Variants in TMEM200A observed in about 807,000 individuals in gnomAD.
The protein encoded by TMEM200A is two transmembrane C.
TMEM200A carries 12 observed loss-of-function variants against 24.3 expected under a neutral mutation model. The ratio of observed to expected loss-of-function variants is 0.49; its 90% CI spans 0.32 to 0.80. TMEM200A has a LOEUF of 0.80. Ranked by LOEUF, TMEM200A falls within the 30% of genes least tolerant of loss-of-function variation. The pLI, the probability that TMEM200A is intolerant of heterozygous loss-of-function variation, is 0.04. For missense variants in TMEM200A, 545 were observed against 614.4 expected (o/e 0.89, Z 1.19); for synonymous variants, 224 against 224.4 (o/e 1.00, Z 0.02).
At chr6:130,431,062 C>T (rs568122276) in intron 2 of TMEM200A, among the ~76,000 whole-genome samples, 8 of 152,196 alleles carry the variant, frequency 5.3e-5, no homozygotes, top group East Asian at 1.9e-4. Context: ...CTTAACAATA[C>T]GGACACGACT....
intron 2 of TMEM200A, among the ~76,000 whole-genome samples, chr6:130,420,787 A>G (rs1490160181): frequency 6.6e-6 from 1 of 152,118 alleles, no homozygotes; most frequent in African/African-American, 2.4e-5. Context: ...TTCTAGGTAT[A>G]GGGAGAGCAC....
At chr6:130,380,479 C>T (rs958995346) in intron 1 of TMEM200A, among the ~76,000 whole-genome samples, 2 of 152,176 alleles carry the variant, frequency 1.3e-5, no homozygotes, top group African/African-American at 4.8e-5. Flanking sequence ...GAATAGCTAG[C>T]AGAAGACTCT....
At chr6:130,394,004 T>C (rs947780754) in intron 2 of TMEM200A, among the ~76,000 whole-genome samples, 1 of 152,168 alleles carries the variant, frequency 6.6e-6, no homozygotes, top group Admixed American at 6.5e-5. Flanking sequence ...GATGAATGAG[T>C]TTCTGTTCCC....
chr6:130,398,717 G>A (rs1344744750), intron 2 of TMEM200A, among the ~76,000 whole-genome samples: 2 of 151,770 alleles, frequency 1.3e-5, no homozygotes, highest in African/African-American at 4.8e-5. Context: ...GTTTTGATTC[G>A]AATTTCTGTA....
chr6:130,423,488 A>G (rs1779652553), intron 2 of TMEM200A, among the ~76,000 whole-genome samples: 1 of 152,152 alleles, frequency 6.6e-6, no homozygotes, highest in African/African-American at 2.4e-5. Context: ...CTTTAAAATA[A>G]TTGAAAGAAA....
intron 1 of TMEM200A, chr6:130,382,086 G>T (rs12202427): frequency 0.058 from 27,992 of 483,630 alleles, 941 homozygotes; most frequent in South Asian, 0.098. Flanking sequence ...CATTGCCAAG[G>T]ATAATTTGAA....
At chr6:130,387,020 G>A (rs1013943144) in intron 2 of TMEM200A, among the ~76,000 whole-genome samples, 32 of 152,262 alleles carry the variant, frequency 2.1e-4, no homozygotes, top group African/African-American at 7.2e-4. Context: ...GTTGAAGTGA[G>A]TGGGCAGAAG....
chr6:130,427,335 G>T (rs1013629174), intron 2 of TMEM200A, among the ~76,000 whole-genome samples: 2 of 152,150 alleles, frequency 1.3e-5, no homozygotes, highest in South Asian at 4.1e-4. Flanking sequence ...TAGAAACTCA[G>T]AAATATCATG....
intron 2 of TMEM200A, among the ~76,000 whole-genome samples, chr6:130,423,663 G>A (rs377309139): frequency 1.8e-4 from 27 of 152,126 alleles, no homozygotes; most frequent in African/African-American, 3.9e-4. Context: ...GGGGTGATAG[G>A]GGTCATTTTT....
Position 130,441,358 on chromosome 6 carries a change from T to C in TMEM200A, c.936T>C (p.Ala312=), listed in dbSNP as rs1471043968. The stretch of plus-strand genomic sequence containing the variant: ...GTATAGATAACATCACTGAAGATGC[T>C]GACAACCTCAAAAGTAGGTCAAGGA... ...EPSIDNITED[A]DNLKSRSRNL... Residue 312 remains alanine, a synonymous_variant, in exon 3 of 3, where the codon GCT becomes GCC. Transcript: ENST00000296978. 2 of 1,614,170 alleles carry C rather than the reference T, an allele frequency of 1.2e-6. No individual in the cohort carries two copies. Among genetic ancestry groups the C allele is most frequent in the South Asian group, 1.1e-5 (1 of 91,088 alleles).
At chr6:130,391,044 C>T (rs144098297) in intron 2 of TMEM200A, among the ~76,000 whole-genome samples, 40 of 152,270 alleles carry the variant, frequency 2.6e-4, no homozygotes, top group African/African-American at 8.2e-4. Context: ...AAAAATGCCT[C>T]GGAATGAGCA....
At chr6:130,421,399 T>G (rs926715940) in intron 2 of TMEM200A, 5 of 152,130 alleles carry the variant, frequency 3.3e-5, no homozygotes, top group Non-Finnish European at 7.3e-5. Context: ...TTTTTTAAAT[T>G]GAAATTGTAT....
chr6:130,393,335 A>C lies in TMEM200A; in HGVS notation c.-17+8099A>C, dbSNP rs113286638. 9.8e-4 allele frequency among the ~76,000 whole-genome samples: 150 copies of C among 152,366 alleles called. 1 individual carries two copies. Among genetic ancestry groups the C allele is most frequent in the Non-Finnish European group, 1.5e-3 (99 of 68,032 alleles). ...AAATACCAGAAGAGAAAAAAAATTA[A>C]TTCTGACAATAGAGTGCTATTTAAA... On this transcript the variant is annotated intron_variant, in intron 2 of 2. Coordinates refer to ENST00000296978, the MANE Select transcript of TMEM200A (RefSeq NM_001258277.2).
At chr6:130,398,478 G>A (rs1297978819) in intron 2 of TMEM200A, among the ~76,000 whole-genome samples, 1 of 151,504 alleles carries the variant, frequency 6.6e-6, no homozygotes, top group African/African-American at 2.4e-5. Context: ...TTTTCCTTTG[G>A]GTATACACTC....
Position 130,433,064 on chromosome 6 carries a change from A to T in TMEM200A, c.-16-7343A>T, listed in dbSNP as rs575136006. Among the ~76,000 whole-genome samples, 48 of 152,280 alleles carry T rather than the reference A, an allele frequency of 3.2e-4. 1 individual carries two copies. The highest frequency in any genetic ancestry group is 1.2e-3 in the African/African-American group (48 of 41,562). On this transcript the variant is annotated intron_variant, in intron 2 of 2. Transcript: ENST00000296978. ...TGCATGGCATCAAATGAGGAAGCAAAGACATGGGCCCCTGTCTCTCTGATT... is the reference window on the plus strand; with the variant it reads ...TGCATGGCATCAAATGAGGAAGCAATGACATGGGCCCCTGTCTCTCTGATT...
chr6:130,413,615 C>G (rs922273087), intron 2 of TMEM200A, among the ~76,000 whole-genome samples: 1 of 152,158 alleles, frequency 6.6e-6, no homozygotes, highest in Non-Finnish European at 1.5e-5. Flanking sequence ...TATCACAACC[C>G]TAGTCCAAGC....
chr6:130,427,141 T>C (rs1280129539), intron 2 of TMEM200A, among the ~76,000 whole-genome samples: 2 of 152,220 alleles, frequency 1.3e-5, no homozygotes, highest in Non-Finnish European at 2.9e-5. Flanking sequence ...TTTACTCTTA[T>C]GTTCCAGGCT....
intron 1 of TMEM200A, among the ~76,000 whole-genome samples, chr6:130,375,061 T>A (rs1454308418): frequency 6.6e-6 from 1 of 152,206 alleles, no homozygotes; most frequent in Non-Finnish European, 1.5e-5. Context: ...CAAAAATAAT[T>A]TACAACTAAA....
chr6:130,438,492 G>A (rs1043319904), intron 2 of TMEM200A: 2 of 152,174 alleles, frequency 1.3e-5, no homozygotes. Flanking sequence ...GCTAGATATG[G>A]CAGCTTGAGA....
Sources: gnomAD v4.1 joint callset for allele counts (sites outside exome capture counted in the v4.1 genomes callset) on GRCh38, gnomAD v4.1.1 for gene constraint, MANE v1.5 for transcripts, NCBI Gene and HGNC (gene_info 2026-07-23, HGNC 2026-07-21) for gene names.